The following MCTP1 variants were observed in gnomAD, a reference collection of about 807,000 sequenced individuals.
MCTP1 encodes the protein multiple C2 and transmembrane domain containing 1.
In MCTP1, 69 loss-of-function variants were observed where a neutral mutation model predicts 120.6. The ratio of observed to expected loss-of-function variants is 0.57; its 90% confidence interval spans 0.47 to 0.70. The LOEUF (loss-of-function observed/expected upper bound fraction) is 0.70, where lower values mean the gene tolerates loss of function less well. Ranked by LOEUF, MCTP1 falls within the 30% of genes least tolerant of loss-of-function variation. MCTP1 has a pLI of 0.00. For synonymous variants in MCTP1, 529 were observed against 493.1 expected (o/e 1.07, Z -0.96); for missense variants, 1,203 against 1,248.8 (o/e 0.96, Z 0.55).
intron 2 of MCTP1, among the ~76,000 whole-genome samples, chr5:94,965,650 G>T (rs1352133110): frequency 6.6e-6 from 1 of 152,082 alleles, no homozygotes; most frequent in Non-Finnish European, 1.5e-5. Context: ...GTGAATCTGT[G>T]TACAGAGTAC....
At chr5:95,103,370 A>G (rs1488081799) in intron 1 of MCTP1, among the ~76,000 whole-genome samples, 1 of 152,180 alleles carries the variant, frequency 6.6e-6, no homozygotes, top group Non-Finnish European at 1.5e-5. Context: ...CAGCAAGTAT[A>G]AAGATAGGGT....
At chr5:95,024,648 TACACAC>T (rs111890273) in intron 1 of MCTP1, among the ~76,000 whole-genome samples, 1 of 146,368 alleles carries the variant, frequency 6.8e-6, no homozygotes, top group East Asian at 2.0e-4. Context: ...GGCATTCAAA[TACACAC>T]ACACACACAC....
Position 95,238,711 on chromosome 5 carries a change from A to T in MCTP1, c.720+45145T>A, listed in dbSNP as rs139013514. Among the ~76,000 whole-genome samples the T allele has an allele frequency of 1.4e-3, 217 of 152,254 alleles. 6 individuals carry two copies. The East Asian group carries it at 0.037, about 26-fold the overall frequency. On this transcript the variant is annotated intron_variant, in intron 1 of 22. Coordinates refer to ENST00000515393, the MANE Select transcript of MCTP1 (RefSeq NM_024717.7). ...CACTAGTCGCCTGATACCAAGCCTC[A>T]TATTCTTCCAATTAGTCCTTAAAAT...
At chr5:94,990,248 AC>A (rs1301877592) in intron 2 of MCTP1, among the ~76,000 whole-genome samples, 2 of 152,192 alleles carry the variant, frequency 1.3e-5, no homozygotes, top group Admixed American at 6.5e-5. Context: ...GATGGTGTTC[AC>A]AGAGAATTGG....
intron 1 of MCTP1, among the ~76,000 whole-genome samples, chr5:95,262,113 G>A (rs572102810): frequency 2.6e-5 from 4 of 152,318 alleles, no homozygotes; most frequent in African/African-American, 4.8e-5. Context: ...AGCAGCCAGA[G>A]TATGGGCCCA....
At chr5:95,163,656 C>T (rs1198984825) in intron 1 of MCTP1, among the ~76,000 whole-genome samples, 3 of 152,166 alleles carry the variant, frequency 2.0e-5, no homozygotes, top group East Asian at 3.8e-4. Context: ...TGTCATATCA[C>T]TGGGAGGTTC....
intron 1 of MCTP1, among the ~76,000 whole-genome samples, chr5:95,266,312 C>A (rs1758880031): frequency 6.6e-6 from 1 of 152,152 alleles, no homozygotes; most frequent in Admixed American, 6.5e-5. Flanking sequence ...TCCTTTTACC[C>A]AAGGGTATTA....
intron 19 of MCTP1, among the ~76,000 whole-genome samples, chr5:94,764,119 GAA>G (rs1771981293): frequency 6.6e-6 from 1 of 152,180 alleles, no homozygotes; most frequent in South Asian, 2.1e-4. Context: ...GTTGCAGAAG[GAA>G]AAGAGATATG....
intron 1 of MCTP1, among the ~76,000 whole-genome samples, chr5:95,096,443 T>C (rs1447294474): frequency 6.6e-6 from 1 of 152,082 alleles, no homozygotes; most frequent in Admixed American, 6.6e-5. Flanking sequence ...CCTTAGAGTC[T>C]CTAAGGAAGA....
chr5:95,253,194 A>G (rs1348712345), intron 1 of MCTP1, among the ~76,000 whole-genome samples: 3 of 152,170 alleles, frequency 2.0e-5, no homozygotes, highest in Non-Finnish European at 4.4e-5. Flanking sequence ...AGGTGAGAAC[A>G]CATAAGGTGG....
intron 1 of MCTP1, among the ~76,000 whole-genome samples, chr5:95,022,171 G>A (rs887994376): frequency 2.0e-5 from 3 of 152,128 alleles, no homozygotes; most frequent in Non-Finnish European, 4.4e-5. Context: ...GGCACTCATA[G>A]CTCCCATGAT....
intron 1 of MCTP1, among the ~76,000 whole-genome samples, chr5:95,192,146 A>G (rs1045110072): frequency 6.6e-6 from 1 of 152,096 alleles, no homozygotes; most frequent in African/African-American, 2.4e-5. Flanking sequence ...AGGGATAAAA[A>G]AAAGTTTTTC....
intron 18 of MCTP1, among the ~76,000 whole-genome samples, chr5:94,786,444 TCACAA>T (rs1777721078): frequency 6.6e-6 from 1 of 152,086 alleles, no homozygotes; most frequent in Admixed American, 6.6e-5. Flanking sequence ...AATAATCACC[TCACAA>T]AAGAAAGTCC....
intron 19 of MCTP1, among the ~76,000 whole-genome samples, chr5:94,757,480 A>G (rs1433323170): frequency 6.6e-6 from 1 of 152,224 alleles, no homozygotes; most frequent in Non-Finnish European, 1.5e-5. Flanking sequence ...TAATTGTGCT[A>G]CTGGTAGAAA....
chr5:94,813,403 T>G (rs1783848768), intron 17 of MCTP1, among the ~76,000 whole-genome samples: 1 of 152,184 alleles, frequency 6.6e-6, no homozygotes, highest in Non-Finnish European at 1.5e-5. Context: ...GAAAACAGAT[T>G]GTTAGTTTCT....
chr5:94,964,681 T>C (rs907283993), intron 2 of MCTP1, among the ~76,000 whole-genome samples: 3 of 152,202 alleles, frequency 2.0e-5, no homozygotes, highest in Non-Finnish European at 2.9e-5. Context: ...TTGGTTTCCA[T>C]TTAAATAGAA....
At chr5:95,215,971 T>C (rs937424634) in intron 1 of MCTP1, among the ~76,000 whole-genome samples, 1 of 152,208 alleles carries the variant, frequency 6.6e-6, no homozygotes, top group African/African-American at 2.4e-5. Flanking sequence ...AGGGATAACA[T>C]TTTGAAACAA....
chr5:95,107,561 A>G (rs1335598622), intron 1 of MCTP1, among the ~76,000 whole-genome samples: 1 of 152,258 alleles, frequency 6.6e-6, no homozygotes, highest in East Asian at 1.9e-4. Context: ...GTTAAGAGGT[A>G]CAGCAAGCCT....
At chr5:95,259,307 T>C (rs1348987542) in intron 1 of MCTP1, among the ~76,000 whole-genome samples, 1 of 152,176 alleles carries the variant, frequency 6.6e-6, no homozygotes, top group Admixed American at 6.5e-5. Context: ...AATCTATCTT[T>C]GCCCATGTCA....
Sources: allele counts gnomAD v4.1 joint callset (sites outside exome capture counted in the v4.1 genomes callset), GRCh38; gene constraint gnomAD v4.1.1; transcripts MANE v1.5; gene names NCBI Gene and HGNC (gene_info 2026-07-23, HGNC 2026-07-21).